PRIMPOL: variants seen among roughly 807,000 people sequenced by gnomAD.
PRIMPOL encodes DNA-directed primase/polymerase protein.
Under a neutral mutation model 63.6 loss-of-function variants are expected in PRIMPOL, and 54 were observed. That is an observed-to-expected ratio of 0.85 (90% CI 0.68 to 1.07). PRIMPOL has a LOEUF of 1.07. PRIMPOL is among the 50% of genes least tolerant of loss of function. PRIMPOL has a pLI of 0.00. For synonymous variants in PRIMPOL, 197 were observed against 220.2 expected, an observed-to-expected ratio of 0.89 and a Z score of 0.93; for missense variants, 610 against 648.3, an observed-to-expected ratio of 0.94 and a Z score of 0.64.
intron 11 of PRIMPOL, among the ~76,000 whole-genome samples, chr4:184,688,707 C>T (rs1269491346): frequency 6.6e-6 from 1 of 152,176 alleles, no homozygotes; most frequent in Non-Finnish European, 1.5e-5. Context: ...GGAAAGCATG[C>T]CTCATAATGC....
chr4:184,651,099 T>A (rs2720383), intron 1 of PRIMPOL, among the ~76,000 whole-genome samples: 1 of 151,856 alleles, frequency 6.6e-6, no homozygotes. Context: ...ACCAGCCTGG[T>A]CAAGATGGTG....
intron 6 of PRIMPOL, among the ~76,000 whole-genome samples, chr4:184,668,505 C>T (rs2150077478): frequency 6.6e-6 from 1 of 152,368 alleles, no homozygotes; most frequent in Middle Eastern, 3.4e-3. Flanking sequence ...CCACCCTGCC[C>T]TTTGCATTCA....
chr4:184,655,566 C>T (rs1207236409), intron 2 of PRIMPOL, among the ~76,000 whole-genome samples: 6 of 152,048 alleles, frequency 3.9e-5, no homozygotes, highest in East Asian at 3.9e-4. Context: ...ATGATCCACC[C>T]GCCTCAGCGT....
chr4:184,665,502 CTTTTTTT>C (rs780043138), intron 5 of PRIMPOL, among the ~76,000 whole-genome samples: 1 of 133,926 alleles, frequency 7.5e-6, no homozygotes, highest in Non-Finnish European at 1.6e-5. Flanking sequence ...GAATTAATGA[CTTTTTTT>C]TTTTTTTTTT....
At chr4:184,650,367 G>T (rs1743909248) in intron 1 of PRIMPOL, among the ~76,000 whole-genome samples, 1 of 152,228 alleles carries the variant, frequency 6.6e-6, no homozygotes, top group South Asian at 2.1e-4. Context: ...CAAAGACGGC[G>T]TCAATTAAGC....
intron 7 of PRIMPOL, 109 bp downstream of exon 7, chr4:184,672,569 C>A: frequency 1.8e-6 from 2 of 1,088,412 alleles, no homozygotes; most frequent in Non-Finnish European, 2.7e-6. Context: ...CTCCACTGCC[C>A]AAGTCGCCAG....
chr4:184,662,301 T>G (rs1428781016), intron 5 of PRIMPOL, among the ~76,000 whole-genome samples: 1 of 152,186 alleles, frequency 6.6e-6, no homozygotes, highest in Non-Finnish European at 1.5e-5. Flanking sequence ...CAAATAGTAT[T>G]AGAATTTTCA....
Position 184,660,167 on chromosome 4 carries a change from T to C in PRIMPOL, c.278+730T>C, listed in dbSNP as rs199843759. ...GTGATCTATTCAAGTATTTCTTTTT[T>C]TTTTTCTTTCTTTTTTTTAATTTAA... On this transcript the variant is annotated intron_variant, in intron 4 of 13. Coordinates refer to ENST00000314970, the MANE Select transcript of PRIMPOL (RefSeq NM_152683.4). Among the ~76,000 whole-genome samples, 3 of 151,968 alleles carry C rather than the reference T, an allele frequency of 2.0e-5. No homozygotes were observed. In the South Asian group the frequency reaches 6.3e-4, roughly 32 times the overall value.
chr4:184,692,210 A>G (rs1758768039), intron 13 of PRIMPOL, among the ~76,000 whole-genome samples: 1 of 152,322 alleles, frequency 6.6e-6, no homozygotes, highest in East Asian at 1.9e-4. Flanking sequence ...ACAGTGGCTC[A>G]GGCCTGTAAT....
intron 6 of PRIMPOL, 27 bp from the exon 7 acceptor site, chr4:184,672,146 G>A (rs765062426): frequency 5.0e-6 from 8 of 1,585,408 alleles, no homozygotes; most frequent in Non-Finnish European, 4.3e-6. Context: ...GAAGATCCAG[G>A]TGAATGATAA....
intron 11 of PRIMPOL, among the ~76,000 whole-genome samples, chr4:184,687,408 G>A (rs1350167395): frequency 1.3e-5 from 2 of 151,954 alleles, no homozygotes; most frequent in African/African-American, 4.8e-5. Context: ...AAAGACTAAA[G>A]TGACCACCTG....
At position 184,657,176 on chromosome 4, in the gene PRIMPOL, T is replaced by G. The variant is rs1418101917; in HGVS notation, c.36T>G (p.Ile12Met). The G allele has an allele frequency of 1.2e-6, 2 of 1,611,288 alleles. No homozygotes were observed. Among genetic ancestry groups the G allele is most frequent in the South Asian group, 2.2e-5 (2 of 90,402 alleles). ...AATGGGAAGCAAAACTGAAGCAAAT[T>G]GAAGAACGAGCATCTCATTATGAGA... ...NRKWEAKLKQ[I>M]EERASHYERK... Residue 12 changes from isoleucine to methionine, a missense_variant, in exon 3 of 14, where the codon ATT (isoleucine) becomes ATG (methionine). Coordinates refer to ENST00000314970, the MANE Select transcript of PRIMPOL (RefSeq NM_152683.4).
In PRIMPOL at chr4:184,685,508, A is replaced by G. The variant is rs1319260437; in HGVS notation, c.1186+10A>G. 1 of 1,598,194 alleles carries G rather than the reference A, an allele frequency of 6.3e-7. No homozygotes were observed. The highest frequency in any genetic ancestry group is 1.7e-5 in the Admixed American group (1 of 60,004). ...GATGGCATTAAAGGAGGTAAAGTTA[A>G]TCTCATCCTTTGTTAACTGTTATAT... On this transcript the variant is annotated intron_variant, in intron 10 of 13. Coordinates refer to ENST00000314970, the MANE Select transcript of PRIMPOL (RefSeq NM_152683.4).
In PRIMPOL at chr4:184,659,328, G is replaced by C. The variant is rs1422195835; in HGVS notation, c.181-12G>C. On this transcript the variant is annotated splice_polypyrimidine_tract_variant and intron_variant, in intron 3 of 13. Transcript: ENST00000314970. ...TGTGAATTTTTCTGAATTCTTTTTTGATTTTATGCAGGACGTTCATGTATT... is the reference window on the plus strand; with the variant it reads ...TGTGAATTTTTCTGAATTCTTTTTTCATTTTATGCAGGACGTTCATGTATT... 1 of 1,599,136 alleles carries C rather than the reference G, an allele frequency of 6.3e-7. No individual in the cohort carries two copies. Among genetic ancestry groups the C allele is most frequent in the Admixed American group, 1.7e-5 (1 of 58,766 alleles).
At position 184,681,336 on chromosome 4, in the gene PRIMPOL, G is replaced by A. The variant is rs565610019; in HGVS notation, c.1008-912G>A. Among the ~76,000 whole-genome samples the A allele has an allele frequency of 4.6e-5, 7 of 151,824 alleles. No homozygotes were observed. The East Asian group carries it at 7.7e-4, about 17-fold the overall frequency. On this transcript the variant is annotated intron_variant, in intron 8 of 13. Coordinates refer to ENST00000314970, the MANE Select transcript of PRIMPOL (RefSeq NM_152683.4). The stretch of plus-strand genomic sequence containing the variant: ...GTTTGGTGAATAGAGTTATATAGTC[G>A]TCTCCTGGTGTCTGTGGGTGATTAT...
At chr4:184,673,172 C>G (rs549015610) in intron 7 of PRIMPOL, among the ~76,000 whole-genome samples, 1 of 150,734 alleles carries the variant, frequency 6.6e-6, no homozygotes, top group East Asian at 1.9e-4. Flanking sequence ...CTCTTTAGCC[C>G]AGGCCGGACT....
chr4:184,683,550 A>G (rs764990322), intron 9 of PRIMPOL, among the ~76,000 whole-genome samples: 4 of 152,238 alleles, frequency 2.6e-5, no homozygotes, highest in Non-Finnish European at 5.9e-5. Flanking sequence ...TCTTCTGTCC[A>G]TGATCAAAGG....
Position 184,678,278 on chromosome 4 carries a change from A to T in PRIMPOL, c.891A>T (p.Lys297Asn), listed in dbSNP as rs756837856. The change falls in exon 8 of 14, where the codon AAA (lysine) becomes AAT (asparagine). Residue 297 changes from lysine (K) to asparagine (N), a missense_variant. Lys to Asn is a moderately conservative substitution (Grantham distance 94). This residue lies in a region of PRIMPOL where 444 missense variants were observed against 456.4 expected (regional missense o/e 0.97). Transcript: ENST00000314970. Reference sequence around the variant, plus strand: ...ACTTTCGGCTATATAAATCATCAAAAATTGGAAAGCGTGTGGCTTTGGAGG... The same window carrying T: ...ACTTTCGGCTATATAAATCATCAAATATTGGAAAGCGTGTGGCTTTGGAGG... ...NRNFRLYKSSKIGKRVALEVT... is the reference protein window; with the variant it reads ...NRNFRLYKSSNIGKRVALEVT... The T allele has an allele frequency of 1.4e-5, 23 of 1,601,044 alleles. No homozygotes were observed. Among genetic ancestry groups the T allele is most frequent in the Non-Finnish European group, 2.0e-5 (23 of 1,175,776 alleles).
intron 7 of PRIMPOL, among the ~76,000 whole-genome samples, chr4:184,673,580 A>G (rs549171636): frequency 2.3e-4 from 35 of 149,514 alleles, no homozygotes; most frequent in Non-Finnish European, 4.4e-4. Context: ...ATGCGCCACC[A>G]CGCCCAGCTA....
Sources: allele counts gnomAD v4.1 joint callset (sites outside exome capture counted in the v4.1 genomes callset), GRCh38; gene constraint gnomAD v4.1.1; regional missense constraint gnomAD v4.1.1; transcripts MANE v1.5; gene names NCBI Gene and HGNC (gene_info 2026-07-23, HGNC 2026-07-21).